Variants in STX1A observed in about 807,000 individuals in gnomAD.
The protein encoded by STX1A is syntaxin-1A.
In STX1A, 4 loss-of-function variants were observed where a neutral mutation model predicts 37.8. That is an observed-to-expected ratio of 0.11 (90% CI 0.05 to 0.24). The LOEUF (loss-of-function observed/expected upper bound fraction) is 0.24, where lower values mean the gene tolerates loss of function less well. Ranked by LOEUF, STX1A falls within the 10% of genes least tolerant of loss-of-function variation. The pLI is 1.00. For missense variants in STX1A, 251 were observed against 399.9 expected, an observed-to-expected ratio of 0.63 and a Z score of 3.18; for synonymous variants, 135 against 147.4, an observed-to-expected ratio of 0.92 and a Z score of 0.61.
At position 73,703,737 on chromosome 7, in the gene STX1A, G is replaced by C; in HGVS notation, c.540+18C>G. The C allele has an allele frequency of 9.3e-6, 15 of 1,610,924 alleles. No homozygotes were observed. The highest frequency in any genetic ancestry group is 1.3e-5 in the Non-Finnish European group (15 of 1,178,146). ...ATGGTGAGGGGGTCATGGCAGGAGG[G>C]ATGGGGCCTACACTCACCCCAGAGG... On this transcript the variant is annotated intron_variant, in intron 7 of 9. Coordinates refer to ENST00000222812, the MANE Select transcript of STX1A (RefSeq NM_004603.4).
At chr7:73,710,808 A>G (rs1563576546) in intron 1 of STX1A, among the ~76,000 whole-genome samples, 1 of 152,214 alleles carries the variant, frequency 6.6e-6, no homozygotes. Context: ...CTCTCGCGTC[A>G]GGACGGAGGC....
chr7:73,706,078 ACT>A lies in STX1A; in HGVS notation c.209-856_209-855del, dbSNP rs1554616886. 1.3e-5 allele frequency among the ~76,000 whole-genome samples: 2 copies of A among 151,908 alleles called. No individual in the cohort carries two copies. The highest frequency in any genetic ancestry group is 2.9e-5 in the Non-Finnish European group (2 of 67,960). ...ACCCCAGTCTCAGGACACCCCCAGG[ACT>A]CTGCCCCGAGAGAAGCCGGGACTGA... On this transcript the variant is annotated intron_variant, in intron 3 of 9. Transcript: ENST00000222812. The surrounding 1 kb of genome is among the most constrained non-coding windows in gnomAD (Gnocchi z 4.6).
At chr7:73,718,970 C>A (rs137973063) in intron 1 of STX1A, among the ~76,000 whole-genome samples, 4,675 of 152,028 alleles carry the variant, frequency 0.031, 84 homozygotes, top group Non-Finnish European at 0.042. Context: ...CGCCCCCCCC[C>A]CCATACCTGG....
intron 6 of STX1A, 104 bp from the exon 7 acceptor site, chr7:73,703,932 C>T (rs1342737949): frequency 1.5e-6 from 2 of 1,359,300 alleles, no homozygotes; most frequent in Non-Finnish European, 2.0e-6. Context: ...CCCCCAGCCC[C>T]GAGCTCAGCG....
At position 73,708,570 on chromosome 7, in the gene STX1A, C is replaced by T. The variant is rs781892286; in HGVS notation, c.208+19G>A. ...AGGCTTGTGGGGCCTGAAACCCGTC[C>T]CCCGCCCCACACACTCACTCTCATC... On this transcript the variant is annotated intron_variant, in intron 3 of 9. Transcript: ENST00000222812. 1 of 1,608,470 alleles carries T rather than the reference C, an allele frequency of 6.2e-7. No homozygotes were observed. Among genetic ancestry groups the T allele is most frequent in the Non-Finnish European group, 8.5e-7 (1 of 1,176,806 alleles).
rs577935008 is a variant in STX1A, at chr7:73,709,362, A to G, written c.31-240T>C. Among the ~76,000 whole-genome samples the G allele has an allele frequency of 3.9e-5, 6 of 152,130 alleles. No homozygotes were observed. In the South Asian group the frequency reaches 1.2e-3, roughly 32 times the overall value. ...TACACTGGTGTCAAGGCCAAGTCTC[A>G]GCCTCTGGGCCAGGGACTTCCTCCC... On this transcript the variant is annotated intron_variant, in intron 1 of 9. Transcript: ENST00000222812. This position sits in a 1 kb window ranked among gnomAD's most constrained non-coding sequence, Gnocchi z 4.2.
intron 2 of STX1A, 149 bp from the exon 3 acceptor site, chr7:73,708,837 T>G: frequency 1.1e-6 from 1 of 933,806 alleles, no homozygotes; most frequent in Non-Finnish European, 1.7e-6. Flanking sequence ...GGTGCATCCT[T>G]CCAGACCCAG....
chr7:73,707,186 C>T (rs1554617128), intron 3 of STX1A, among the ~76,000 whole-genome samples: 1 of 152,170 alleles, frequency 6.6e-6, no homozygotes, highest in Non-Finnish European at 1.5e-5. Context: ...TCATGGTGAG[C>T]CCCCCTCCAG....
At position 73,717,874 on chromosome 7, in the gene STX1A, C is replaced by T. The variant is rs1295738798; in HGVS notation, c.30+1728G>A. Among the ~76,000 whole-genome samples, 1 of 152,206 alleles carries T rather than the reference C, an allele frequency of 6.6e-6. No individual in the cohort carries two copies. Among genetic ancestry groups the T allele is most frequent in the African/African-American group, 2.4e-5 (1 of 41,452 alleles). On this transcript the variant is annotated intron_variant, in intron 1 of 9. Coordinates refer to ENST00000222812, the MANE Select transcript of STX1A (RefSeq NM_004603.4). The surrounding 1 kb of genome is among the most constrained non-coding windows in gnomAD (Gnocchi z 4.1). Reference sequence around the variant, plus strand: ...AGCCAGGCCTGAGTCTGACTATCTTCAGGGATGAGGCAAAGCCCTTTTCTA... The same window carrying T: ...AGCCAGGCCTGAGTCTGACTATCTTTAGGGATGAGGCAAAGCCCTTTTCTA...
intron 1 of STX1A, among the ~76,000 whole-genome samples, chr7:73,711,791 G>A (rs1328551836): frequency 6.6e-6 from 1 of 152,072 alleles, no homozygotes; most frequent in Non-Finnish European, 1.5e-5. Flanking sequence ...CCTTTTCCGT[G>A]GCCAGAGACG....
chr7:73,703,664 T>C, intron 7 of STX1A, 91 bp downstream of exon 7: 2 of 1,450,342 alleles, frequency 1.4e-6, no homozygotes, highest in Non-Finnish European at 9.6e-7. Flanking sequence ...GGGGTCTGTG[T>C]CCAAATACTG....
intron 1 of STX1A, among the ~76,000 whole-genome samples, chr7:73,718,970 C>G (rs137973063): frequency 1.3e-5 from 2 of 152,036 alleles, no homozygotes; most frequent in East Asian, 2.0e-4. Context: ...CGCCCCCCCC[C>G]CCATACCTGG....
Position 73,705,372 on chromosome 7 carries a change from G to A in STX1A, c.209-148C>T, listed in dbSNP as rs1798832573. 9.3e-6 allele frequency: 6 copies of A among 647,942 alleles called. No homozygotes were observed. The highest frequency in any genetic ancestry group is 2.7e-5 in the East Asian group (1 of 36,414). 40.1% of individuals were successfully genotyped at this position (647,942 alleles called of 1,614,324 possible). ...CCCCTGGCTAAGGCTCTGCCTGCCC[G>A]CCCCCCTCCCCCAATTCTGGGCCAG... On this transcript the variant is annotated intron_variant, in intron 3 of 9. Transcript: ENST00000222812. This position sits in a 1 kb window ranked among gnomAD's most constrained non-coding sequence, Gnocchi z 5.2.
chr7:73,709,250 A>G lies in STX1A; in HGVS notation c.31-128T>C. On this transcript the variant is annotated intron_variant, in intron 1 of 9. Transcript: ENST00000222812. The surrounding 1 kb of genome is among the most constrained non-coding windows in gnomAD (Gnocchi z 4.2). ...CCCTGGGGGCCTCTGGGCAGGGACA[A>G]GAACAGGCCTGGCTGTTCCGCTCCC... 1 of 884,500 alleles carries G rather than the reference A, an allele frequency of 1.1e-6. No individual in the cohort carries two copies. The highest frequency in any genetic ancestry group is 1.5e-5 in the South Asian group (1 of 66,220). The allele number at this position is 884,500 out of a possible 1,614,324, so 54.8% of individuals were successfully genotyped here. A position where few individuals can be genotyped will look rare whatever the true frequency, so the allele number is the denominator to read the frequency against.
chr7:73,707,759 C>A (rs1798927222), intron 3 of STX1A, among the ~76,000 whole-genome samples: 2 of 150,760 alleles, frequency 1.3e-5, no homozygotes, highest in South Asian at 4.2e-4. Context: ...TATGGAGAAA[C>A]CCCATCTTTA....
At position 73,700,099 on chromosome 7, in the gene STX1A, A is replaced by C; in HGVS notation, c.*308T>G. 2 of 454,464 alleles carry C rather than the reference A, an allele frequency of 4.4e-6. No individual in the cohort carries two copies. The highest frequency in any genetic ancestry group is 3.7e-5 in the Admixed American group (1 of 27,276). The allele number at this position is 454,464 out of a possible 1,614,324, so 28.2% of individuals were successfully genotyped here. ...GAACCTGGGCCCACCGAGTTACTGA[A>C]GGCAAGGAAGGGTGGCCTGTGTCAC... On this transcript the variant is annotated 3_prime_UTR_variant, in exon 10 of 10. Coordinates refer to ENST00000222812, the MANE Select transcript of STX1A (RefSeq NM_004603.4). The surrounding 1 kb of genome is among the most constrained non-coding windows in gnomAD (Gnocchi z 4.4).
At position 73,702,687 on chromosome 7, in the gene STX1A, G is replaced by T; in HGVS notation, c.678+158C>A. 1 of 1,494,544 alleles carries T rather than the reference G, an allele frequency of 6.7e-7. No homozygotes were observed. Among genetic ancestry groups the T allele is most frequent in the Non-Finnish European group, 8.9e-7 (1 of 1,117,340 alleles). 92.6% of individuals were successfully genotyped at this position (1,494,544 alleles called of 1,614,324 possible). A position where few individuals can be genotyped will look rare whatever the true frequency, so the allele number is the denominator to read the frequency against. On this transcript the variant is annotated intron_variant, in intron 8 of 9. Transcript: ENST00000222812. The surrounding 1 kb of genome is among the most constrained non-coding windows in gnomAD (Gnocchi z 4.7). ...TGCAGAGGACAGGGACCTTCGGGTCGGCAGGGCCCTGGCGGCAGTTTCAAC... is the reference window on the plus strand; with the variant it reads ...TGCAGAGGACAGGGACCTTCGGGTCTGCAGGGCCCTGGCGGCAGTTTCAAC...
intron 1 of STX1A, among the ~76,000 whole-genome samples, chr7:73,711,993 G>C (rs1228248488): frequency 6.6e-6 from 1 of 152,112 alleles, no homozygotes; most frequent in African/African-American, 2.4e-5. Context: ...CTAACAGAAG[G>C]GCTGGGAGGA....
At chr7:73,713,922 T>G (rs1281705082) in intron 1 of STX1A, among the ~76,000 whole-genome samples, 2 of 152,176 alleles carry the variant, frequency 1.3e-5, no homozygotes, top group Non-Finnish European at 2.9e-5. Flanking sequence ...CCCAAGTGTC[T>G]TACGGACGGA....
Sources: gnomAD v4.1 joint callset for allele counts (sites outside exome capture counted in the v4.1 genomes callset) on GRCh38, gnomAD v4.1.1 for gene constraint, Gnocchi (gnomAD v3.1) non-coding constraint, MANE v1.5 for transcripts, NCBI Gene and HGNC (gene_info 2026-07-23, HGNC 2026-07-21) for gene names.